Variants in PTPRD observed in about 807,000 individuals in gnomAD.
The protein encoded by PTPRD is protein tyrosine phosphatase receptor type D, also known as receptor-type tyrosine-protein phosphatase delta.
In PTPRD, 34 loss-of-function variants were observed where a neutral mutation model predicts 214.5. The observed-to-expected ratio is 0.16, with a 90% CI of 0.12 to 0.21. The LOEUF (loss-of-function observed/expected upper bound fraction) is 0.21. PTPRD is among the 10% of genes least tolerant of loss of function. The pLI is 1.00. For synonymous variants in PTPRD, 1,128 were observed against 845.7 expected (o/e 1.33, Z -5.79); for missense variants, 2,545 against 2,398.7 (o/e 1.06, Z -1.27).
chr9:10,178,332 C>G (rs895217953), intron 3 of PTPRD, among the ~76,000 whole-genome samples: 1 of 151,432 alleles, frequency 6.6e-6, no homozygotes, highest in African/African-American at 2.4e-5. Context: ...CTGGACCAGA[C>G]AGTTGATATT....
intron 9 of PTPRD, among the ~76,000 whole-genome samples, chr9:9,300,858 A>G (rs1429997436): frequency 1.3e-5 from 2 of 151,894 alleles, no homozygotes; most frequent in Non-Finnish European, 2.9e-5. Context: ...CTCATTGAAA[A>G]TTAGGGGTAC....
At chr9:10,159,727 T>C (rs1449043354) in intron 3 of PTPRD, among the ~76,000 whole-genome samples, 2 of 151,912 alleles carry the variant, frequency 1.3e-5, no homozygotes, top group African/African-American at 4.8e-5. Context: ...AAAAAAATTA[T>C]TAGAGGCTCT....
At chr9:9,624,009 G>A (rs1196380240) in intron 7 of PTPRD, among the ~76,000 whole-genome samples, 1 of 151,984 alleles carries the variant, frequency 6.6e-6, no homozygotes, top group Non-Finnish European at 1.5e-5. Context: ...AGCATTTCTG[G>A]GAATATGAGC....
At chr9:8,748,467 C>T (rs969277365) in intron 11 of PTPRD, among the ~76,000 whole-genome samples, 22 of 133,104 alleles carry the variant, frequency 1.7e-4, no homozygotes, top group African/African-American at 6.0e-4. Flanking sequence ...GGTCCCCTCC[C>T]TTTGTATGGG....
chr9:9,918,268 A>C (rs2081493951), intron 5 of PTPRD, among the ~76,000 whole-genome samples: 1 of 151,650 alleles, frequency 6.6e-6, no homozygotes, highest in Non-Finnish European at 1.5e-5. Context: ...GAACTAGCTG[A>C]AAAAGTAATC....
intron 3 of PTPRD, among the ~76,000 whole-genome samples, chr9:10,083,717 T>C (rs531900621): frequency 3.9e-4 from 59 of 152,056 alleles, no homozygotes; most frequent in Non-Finnish European, 7.4e-4. Flanking sequence ...ATTTTTTCTA[T>C]GGTAGGAGTC....
intron 11 of PTPRD, among the ~76,000 whole-genome samples, chr9:9,007,882 AGT>A (rs2099486977): frequency 9.0e-6 from 1 of 110,660 alleles, no homozygotes; most frequent in South Asian, 3.6e-4. Flanking sequence ...ATTTTAGAAA[AGT>A]GTTTTTTTTT....
intron 3 of PTPRD, among the ~76,000 whole-genome samples, chr9:10,312,100 C>G (rs901916879): frequency 6.6e-6 from 1 of 151,808 alleles, no homozygotes; most frequent in Non-Finnish European, 1.5e-5. Flanking sequence ...CAACCAGAGT[C>G]CAGTGAGATG....
chr9:8,848,955 A>C (rs761262195), intron 11 of PTPRD, among the ~76,000 whole-genome samples: 1 of 125,748 alleles, frequency 8.0e-6, no homozygotes, highest in African/African-American at 2.9e-5. Context: ...CTGGCATATA[A>C]TAAATGCTCA....
At chr9:8,623,019 G>C (rs2095870284) in intron 14 of PTPRD, among the ~76,000 whole-genome samples, 1 of 151,742 alleles carries the variant, frequency 6.6e-6, no homozygotes, top group African/African-American at 2.4e-5. Flanking sequence ...TGGGCAAGAT[G>C]ACTCATACTA....
intron 10 of PTPRD, among the ~76,000 whole-genome samples, chr9:9,172,834 A>T (rs2131030288): frequency 6.6e-6 from 1 of 152,248 alleles, no homozygotes; most frequent in East Asian, 1.9e-4. Flanking sequence ...AATAGCCTTT[A>T]TCCTGCACCT....
At chr9:10,480,826 A>C (rs1458664958) in intron 2 of PTPRD, among the ~76,000 whole-genome samples, 1 of 152,122 alleles carries the variant, frequency 6.6e-6, no homozygotes, top group Non-Finnish European at 1.5e-5. Flanking sequence ...AGAAAAAAAA[A>C]CTTATTCAAT....
intron 35 of PTPRD, among the ~76,000 whole-genome samples, chr9:8,410,692 A>G (rs552863361): frequency 5.3e-5 from 8 of 152,316 alleles, no homozygotes; most frequent in Non-Finnish European, 8.8e-5. Flanking sequence ...TTTCAGTCAC[A>G]TATTTTTGTA....
At chr9:8,650,512 C>G in intron 12 of PTPRD, among the ~76,000 whole-genome samples, 1 of 73,314 alleles carries the variant, frequency 1.4e-5, no homozygotes, top group African/African-American at 5.3e-5. Context: ...GCAAAAAGAG[C>G]AAAAAACTCC....
chr9:9,403,310 A>AAAAAAAC, intron 8 of PTPRD, among the ~76,000 whole-genome samples: 1 of 149,536 alleles, frequency 6.7e-6, no homozygotes, highest in Non-Finnish European at 1.5e-5. Flanking sequence ...AAAAAAAAAA[A>AAAAAAAC]ACCAAAACAA....
chr9:9,978,867 G>C (rs1263356768), intron 4 of PTPRD, among the ~76,000 whole-genome samples: 5 of 151,838 alleles, frequency 3.3e-5, no homozygotes, highest in African/African-American at 9.7e-5. Flanking sequence ...AAATCCTTCA[G>C]GTAGCCAGAG....
At chr9:9,943,320 C>T (rs938397205) in intron 4 of PTPRD, among the ~76,000 whole-genome samples, 3 of 152,106 alleles carry the variant, frequency 2.0e-5, no homozygotes, top group African/African-American at 7.2e-5. Context: ...CTTCATTTTC[C>T]CCTGTACAGT....
chr9:9,420,630 T>C (rs1374035717), intron 8 of PTPRD, among the ~76,000 whole-genome samples: 1 of 151,932 alleles, frequency 6.6e-6, no homozygotes, highest in Non-Finnish European at 1.5e-5. Context: ...AGCTTCTTTG[T>C]ATTAGTGAAA....
chr9:8,591,324 C>T (rs2094089765), intron 14 of PTPRD, among the ~76,000 whole-genome samples: 1 of 152,090 alleles, frequency 6.6e-6, no homozygotes, highest in Non-Finnish European at 1.5e-5. Flanking sequence ...TTTGGTCTAC[C>T]CACAACCAAG....
Sources: allele counts gnomAD v4.1 joint callset (sites outside exome capture counted in the v4.1 genomes callset), GRCh38; gene constraint gnomAD v4.1.1; transcripts MANE v1.5; gene names NCBI Gene and HGNC (gene_info 2026-07-23, HGNC 2026-07-21).